PTPRM: variants seen among roughly 807,000 people sequenced by gnomAD.
The protein encoded by PTPRM is protein tyrosine phosphatase receptor type M.
Under a neutral mutation model 186.7 loss-of-function variants are expected in PTPRM, and 47 were observed. The observed-to-expected ratio is 0.25, with a 90% confidence interval of 0.20 to 0.32. PTPRM has a LOEUF of 0.32. PTPRM is among the 10% of genes least tolerant of loss of function. The pLI is 1.00. For missense variants in PTPRM, 1,494 were observed against 1,865.0 expected (o/e 0.80, Z 3.66); for synonymous variants, 668 against 674.9 (o/e 0.99, Z 0.16).
At chr18:8,143,573 A>T in intron 13 of PTPRM, 74 bp from the exon 14 acceptor site, 2 of 1,490,986 alleles carry the variant, frequency 1.3e-6, no homozygotes, top group Non-Finnish European at 1.9e-6. Context: ...AAATGCAGCG[A>T]AATTTTTTAA....
chr18:8,352,432 T>G (rs2509546), intron 23 of PTPRM, among the ~76,000 whole-genome samples: 127,723 of 152,010 alleles, frequency 0.84, 54,757 homozygotes, highest in Middle Eastern at 0.96. Context: ...TTAAACCCTT[T>G]CCCTCCTTCC....
intron 1 of PTPRM, among the ~76,000 whole-genome samples, chr18:7,732,270 G>A (rs1054205607): frequency 6.6e-6 from 1 of 152,142 alleles, no homozygotes; most frequent in African/African-American, 2.4e-5. Context: ...ACAGTAGGGC[G>A]AGGGGAAGGG....
chr18:8,060,805 A>C (rs1325182958), intron 7 of PTPRM, among the ~76,000 whole-genome samples: 1 of 52,316 alleles, frequency 1.9e-5, no homozygotes, highest in Non-Finnish European at 3.9e-5. Context: ...GTTTGATTGC[A>C]CTGTGGTCTG....
At chr18:8,300,281 A>T (rs1488312027) in intron 20 of PTPRM, among the ~76,000 whole-genome samples, 3 of 152,148 alleles carry the variant, frequency 2.0e-5, no homozygotes, top group Non-Finnish European at 4.4e-5. Context: ...TGGAGATAGG[A>T]GGAACAGTTT....
intron 14 of PTPRM, among the ~76,000 whole-genome samples, chr18:8,241,778 T>TG (rs2094436592): frequency 6.6e-6 from 1 of 152,220 alleles, no homozygotes; most frequent in African/African-American, 2.4e-5. Flanking sequence ...GGTTAATGCA[T>TG]GAAGGCTTGC....
At chr18:7,636,749 G>A (rs545947456) in intron 1 of PTPRM, among the ~76,000 whole-genome samples, 1 of 152,216 alleles carries the variant, frequency 6.6e-6, no homozygotes, top group Non-Finnish European at 1.5e-5. Flanking sequence ...GCAAGACTTT[G>A]AAGGAGATGT....
At chr18:8,328,933 A>G (rs2095395025) in intron 22 of PTPRM, among the ~76,000 whole-genome samples, 2 of 152,256 alleles carry the variant, frequency 1.3e-5, no homozygotes, top group Admixed American at 1.3e-4. Flanking sequence ...CTCATTAGCA[A>G]TGAGAACATT....
intron 2 of PTPRM, among the ~76,000 whole-genome samples, chr18:7,776,376 C>A (rs1217410980): frequency 6.6e-6 from 1 of 152,190 alleles, no homozygotes; most frequent in Non-Finnish European, 1.5e-5. Flanking sequence ...AAGGGAAGGA[C>A]TGGCAGTTCC....
chr18:8,040,416 A>C (rs2086620429), intron 7 of PTPRM, among the ~76,000 whole-genome samples: 1 of 152,164 alleles, frequency 6.6e-6, no homozygotes, highest in South Asian at 2.1e-4. Context: ...GCAATTATTA[A>C]AGTTATGTGT....
chr18:7,675,938 T>C (rs967590030), intron 1 of PTPRM, among the ~76,000 whole-genome samples: 3 of 152,128 alleles, frequency 2.0e-5, no homozygotes, highest in Admixed American at 2.0e-4. Flanking sequence ...AGTTTCACTG[T>C]GTTGGCCAGG....
At chr18:7,696,567 C>G (rs1335949608) in intron 1 of PTPRM, among the ~76,000 whole-genome samples, 2 of 152,058 alleles carry the variant, frequency 1.3e-5, no homozygotes, top group East Asian at 3.9e-4. Context: ...AACTTATGTG[C>G]ATTCTGAGTA....
rs34831755 is a variant in PTPRM at position 8,113,609 on chromosome 18, C to T, written c.1980C>T (p.Tyr660=). The T allele has an allele frequency of 1.6e-3, 2,562 of 1,614,158 alleles. 35 individuals carry two copies. The African/African-American group carries it at 0.029, about 18-fold the overall frequency. Residue 660 remains tyrosine (Y), a synonymous_variant, in exon 12 of 33, where the codon TAC becomes TAT. Transcript: ENST00000580170. ...CTTCTCTGCTGAACTCACAGTACTACTTTGCTGCAGAATTTCCTGCAGACA... is the reference window on the plus strand; with the variant it reads ...CTTCTCTGCTGAACTCACAGTACTATTTTGCTGCAGAATTTCCTGCAGACA... ...QNASLLNSQY[Y]FAAEFPADSL... is the part of the protein sequence containing the mutation.
intron 7 of PTPRM, among the ~76,000 whole-genome samples, chr18:8,016,547 GA>G (rs1174035972): frequency 2.8e-5 from 4 of 142,308 alleles, no homozygotes; most frequent in African/African-American, 5.2e-5. Context: ...AAAAAAAAAA[GA>G]AAAAAAAGAA....
At chr18:8,366,351 C>G (rs938009439) in intron 23 of PTPRM, among the ~76,000 whole-genome samples, 5 of 152,172 alleles carry the variant, frequency 3.3e-5, no homozygotes, top group African/African-American at 9.7e-5. Context: ...GGAGCTTGTT[C>G]AAAGCGCACA....
chr18:8,299,200 C>A (rs1235712647), intron 20 of PTPRM, among the ~76,000 whole-genome samples: 1 of 152,142 alleles, frequency 6.6e-6, no homozygotes. Context: ...ACACTGAATT[C>A]TGTTCCTGTA....
At chr18:8,130,789 C>A (rs2092484484) in intron 13 of PTPRM, among the ~76,000 whole-genome samples, 1 of 152,202 alleles carries the variant, frequency 6.6e-6, no homozygotes, top group Non-Finnish European at 1.5e-5. Flanking sequence ...ACCCAATGCA[C>A]ACAGTTTAGA....
At chr18:7,920,304 CTGG>C (rs753016757) in intron 4 of PTPRM, among the ~76,000 whole-genome samples, 2 of 152,046 alleles carry the variant, frequency 1.3e-5, no homozygotes, top group African/African-American at 2.4e-5. Context: ...ATGATTTTCT[CTGG>C]TCACGTGTTT....
At chr18:8,150,694 G>C (rs868137519) in intron 14 of PTPRM, among the ~76,000 whole-genome samples, 1 of 152,204 alleles carries the variant, frequency 6.6e-6, no homozygotes, top group East Asian at 1.9e-4. Flanking sequence ...CCTTGCTGGC[G>C]AGGAATTATG....
intron 1 of PTPRM, among the ~76,000 whole-genome samples, chr18:7,602,701 A>G (rs142925192): frequency 0.017 from 2,610 of 151,660 alleles, 24 homozygotes; most frequent in Non-Finnish European, 0.027. Flanking sequence ...GAAATGTTAA[A>G]TAGGACTATT....
Sources: allele counts gnomAD v4.1 joint callset (sites outside exome capture counted in the v4.1 genomes callset), GRCh38; gene constraint gnomAD v4.1.1; transcripts MANE v1.5; gene names NCBI Gene and HGNC (gene_info 2026-07-23, HGNC 2026-07-21).